The following NRXN3 variants were observed in gnomAD, a reference collection of about 807,000 sequenced individuals.
The protein encoded by NRXN3 is neurexin III.
NRXN3 carries 32 observed loss-of-function variants against 137.6 expected under a neutral mutation model. That is an observed-to-expected ratio of 0.23 (90% CI 0.18 to 0.31). The LOEUF is 0.31. Ranked by LOEUF, NRXN3 falls within the 10% of genes least tolerant of loss-of-function variation. NRXN3 has a pLI of 1.00. For missense variants in NRXN3, 1,574 were observed against 2,062.5 expected (o/e 0.76, Z 4.59); for synonymous variants, 798 against 784.5 (o/e 1.02, Z -0.29).
intron 20 of NRXN3, among the ~76,000 whole-genome samples, chr14:79,819,554 G>A (rs950049741): frequency 1.0e-4 from 13 of 125,212 alleles, no homozygotes; most frequent in Non-Finnish European, 1.4e-4. Context: ...GCACAATCTC[G>A]GCTCACTACA....
intron 8 of NRXN3, among the ~76,000 whole-genome samples, chr14:78,767,770 A>G (rs1296163169): frequency 6.6e-6 from 1 of 152,188 alleles, no homozygotes. Context: ...ACATTTGGTC[A>G]GTGTCAGAAA....
chr14:78,253,516 A>C (rs2068984233), intron 2 of NRXN3, among the ~76,000 whole-genome samples: 1 of 152,114 alleles, frequency 6.6e-6, no homozygotes. Flanking sequence ...TGTACAAATA[A>C]TTAAAAAAAT....
intron 15 of NRXN3, among the ~76,000 whole-genome samples, chr14:79,045,024 C>T (rs2099630936): frequency 6.6e-6 from 1 of 152,094 alleles, no homozygotes; most frequent in South Asian, 2.1e-4. Context: ...ACCATGGCGT[C>T]TCTTAAAAGA....
intron 15 of NRXN3, among the ~76,000 whole-genome samples, chr14:79,358,353 G>A (rs1340986855): frequency 6.6e-6 from 1 of 151,880 alleles, no homozygotes; most frequent in East Asian, 1.9e-4. Flanking sequence ...AGCCGATCAC[G>A]CGGTCAGGAG....
intron 6 of NRXN3, among the ~76,000 whole-genome samples, chr14:78,669,486 A>G (rs2097916226): frequency 6.6e-6 from 1 of 152,122 alleles, no homozygotes; most frequent in South Asian, 2.1e-4. Flanking sequence ...TTTCTTGATG[A>G]TATGCTAAAC....
At chr14:79,100,145 G>C (rs2051007298) in intron 15 of NRXN3, among the ~76,000 whole-genome samples, 1 of 152,210 alleles carries the variant, frequency 6.6e-6, no homozygotes, top group South Asian at 2.1e-4. Context: ...TCTGCTCACA[G>C]AATGTTCTCT....
intron 15 of NRXN3, among the ~76,000 whole-genome samples, chr14:79,021,311 G>A (rs923313453): frequency 6.6e-6 from 1 of 152,182 alleles, no homozygotes; most frequent in African/African-American, 2.4e-5. Flanking sequence ...CCTAGCTACA[G>A]CAAGAGCCAG....
At chr14:79,811,025 TTAAC>T (rs992810609) in intron 20 of NRXN3, among the ~76,000 whole-genome samples, 8 of 152,370 alleles carry the variant, frequency 5.3e-5, no homozygotes, top group South Asian at 2.1e-4. Flanking sequence ...TCAATTTTAT[TTAAC>T]TATTTATTCA....
intron 6 of NRXN3, among the ~76,000 whole-genome samples, chr14:78,691,616 A>C (rs1567069724): frequency 1.3e-5 from 2 of 152,104 alleles, no homozygotes; most frequent in Admixed American, 6.6e-5. Flanking sequence ...TTGCACATTC[A>C]TGGCTTGAAT....
At chr14:78,714,700 C>T (rs2098423796) in intron 7 of NRXN3, 56 bp from the exon 8 acceptor site, 12 of 1,584,052 alleles carry the variant, frequency 7.6e-6, no homozygotes, top group Non-Finnish European at 9.5e-6. Flanking sequence ...TGTTAGGTTT[C>T]TTACATTTGG....
intron 16 of NRXN3, among the ~76,000 whole-genome samples, chr14:79,514,738 A>G (rs1293217947): frequency 6.6e-6 from 1 of 152,142 alleles, no homozygotes; most frequent in Admixed American, 6.5e-5. Flanking sequence ...TCAGATGGCT[A>G]TAGGAGAGTC....
chr14:79,198,873 A>G (rs1182859687), intron 15 of NRXN3, among the ~76,000 whole-genome samples: 3 of 152,244 alleles, frequency 2.0e-5, no homozygotes, highest in African/African-American at 7.2e-5. Context: ...CTGAACTTAG[A>G]AAAAGCAAAA....
chr14:79,033,386 G>GC (rs1432765796), intron 15 of NRXN3, among the ~76,000 whole-genome samples: 29 of 152,190 alleles, frequency 1.9e-4, no homozygotes, highest in Middle Eastern at 6.8e-3. Context: ...GAAACCTCAA[G>GC]CATCCACTGA....
intron 6 of NRXN3, among the ~76,000 whole-genome samples, chr14:78,669,258 G>A (rs2097914036): frequency 6.8e-6 from 1 of 147,582 alleles, no homozygotes; most frequent in East Asian, 2.0e-4. Flanking sequence ...AGTAGAAGTG[G>A]CGGTAATGGT....
intron 4 of NRXN3, among the ~76,000 whole-genome samples, chr14:78,523,731 G>C (rs1256167473): frequency 6.8e-6 from 1 of 146,316 alleles, no homozygotes; most frequent in Admixed American, 6.9e-5. Context: ...GCAGGAGAAT[G>C]GTATGAACCC....
chr14:79,596,953 T>C (rs1359912116), intron 16 of NRXN3, among the ~76,000 whole-genome samples: 2 of 152,234 alleles, frequency 1.3e-5, no homozygotes, highest in Middle Eastern at 3.4e-3. Flanking sequence ...TAGTGACTTA[T>C]GGAGTCGTAA....
intron 10 of NRXN3, among the ~76,000 whole-genome samples, chr14:78,931,489 G>A (rs1160154583): frequency 6.6e-6 from 1 of 152,158 alleles, no homozygotes; most frequent in East Asian, 1.9e-4. Context: ...ACTTTTATGA[G>A]AGAGGAAGTG....
rs868778440 is a variant in NRXN3, at chr14:78,468,072, C to T, written c.757+170212C>T. ...CTGAGTAGCTGCGATTACAGGGGCC[C>T]GCCACCATGCCTGGCTAATTTTTGT... On this transcript the variant is annotated intron_variant, in intron 4 of 20. Transcript: ENST00000335750. Among the ~76,000 whole-genome samples the T allele has an allele frequency of 3.3e-5, 5 of 151,956 alleles. No individual in the cohort carries two copies. The South Asian group carries it at 6.2e-4, about 19-fold the overall frequency.
intron 16 of NRXN3, among the ~76,000 whole-genome samples, chr14:79,641,566 C>A (rs1269596949): frequency 7.4e-6 from 1 of 135,460 alleles, no homozygotes; most frequent in African/African-American, 2.5e-5. Context: ...CATGTTGGCT[C>A]TCCTTTGGAC....
Sources: gnomAD v4.1 joint callset for allele counts (sites outside exome capture counted in the v4.1 genomes callset) on GRCh38, gnomAD v4.1.1 for gene constraint, MANE v1.5 for transcripts, NCBI Gene and HGNC (gene_info 2026-07-23, HGNC 2026-07-21) for gene names.